Variants in AGBL3 observed in about 807,000 individuals in gnomAD.
The protein encoded by AGBL3 is cytosolic carboxypeptidase 3.
In AGBL3, 68 loss-of-function variants were observed where a neutral mutation model predicts 94.5. That is an observed-to-expected ratio of 0.72 (90% CI 0.59 to 0.88). The LOEUF (loss-of-function observed/expected upper bound fraction) is 0.88, where lower values mean the gene tolerates loss of function less well. Among genes scored for constraint, AGBL3 ranks in the 40% least tolerant of loss-of-function variants. The pLI is 0.00. For synonymous variants in AGBL3, 354 were observed against 370.7 expected, an observed-to-expected ratio of 0.95 and a Z score of 0.52; for missense variants, 934 against 1,103.8, an observed-to-expected ratio of 0.85 and a Z score of 2.18.
intron 15 of AGBL3, among the ~76,000 whole-genome samples, chr7:135,103,464 T>G (rs142121617): frequency 2.0e-5 from 3 of 152,210 alleles, no homozygotes; most frequent in Non-Finnish European, 2.9e-5. Flanking sequence ...TGTTTCTTTA[T>G]TTTCTTAATA....
intron 6 of AGBL3, 145 bp downstream of exon 6, chr7:135,033,127 G>C (rs1041242055): frequency 1.1e-6 from 1 of 912,388 alleles, no homozygotes; most frequent in Non-Finnish European, 1.5e-6. Context: ...TGTTGTGGAG[G>C]AGGGGAGTAT....
At chr7:135,111,416 C>T (rs563450494) in intron 15 of AGBL3, among the ~76,000 whole-genome samples, 4 of 152,276 alleles carry the variant, frequency 2.6e-5, no homozygotes, top group Non-Finnish European at 5.9e-5. Flanking sequence ...ACTAACTTCT[C>T]TACTGGTGAT....
chr7:135,063,661 T>C (rs1819035406), intron 12 of AGBL3, among the ~76,000 whole-genome samples: 1 of 152,214 alleles, frequency 6.6e-6, no homozygotes, highest in Non-Finnish European at 1.5e-5. Flanking sequence ...TATTATTTAA[T>C]TTCCATGTTC....
chr7:135,066,914 AG>A (rs2116742149), intron 12 of AGBL3, among the ~76,000 whole-genome samples: 1 of 152,350 alleles, frequency 6.6e-6, no homozygotes, highest in South Asian at 2.1e-4. Flanking sequence ...CAGTGCACCG[AG>A]CATGAGCCGA....
At chr7:135,028,690 AATT>A (rs1815411186) in intron 5 of AGBL3, among the ~76,000 whole-genome samples, 1 of 152,184 alleles carries the variant, frequency 6.6e-6, no homozygotes, top group African/African-American at 2.4e-5. Context: ...TCCTCCCATG[AATT>A]ACTAGTGTTC....
At chr7:135,033,699 T>G (rs1488803671) in intron 6 of AGBL3, among the ~76,000 whole-genome samples, 3 of 152,216 alleles carry the variant, frequency 2.0e-5, no homozygotes, top group Non-Finnish European at 2.9e-5. Flanking sequence ...GTAATCTATG[T>G]GATCATATTA....
At chr7:135,032,791 CCTT>C in intron 5 of AGBL3, 50 bp from the exon 6 acceptor site, 2 of 1,478,174 alleles carry the variant, frequency 1.4e-6, no homozygotes, top group Non-Finnish European at 1.8e-6. Context: ...TGCAGAATAA[CCTT>C]CTTACTTTAG....
intron 12 of AGBL3, among the ~76,000 whole-genome samples, chr7:135,066,576 A>T (rs1819323240): frequency 6.6e-6 from 1 of 152,260 alleles, no homozygotes; most frequent in Non-Finnish European, 1.5e-5. Flanking sequence ...AAAAAATTTA[A>T]AAGTGAATTA....
chr7:135,041,750 G>A (rs1013615792), intron 8 of AGBL3, among the ~76,000 whole-genome samples: 7 of 152,068 alleles, frequency 4.6e-5, no homozygotes, highest in East Asian at 3.8e-4. Flanking sequence ...CCTGCTAAGC[G>A]AATACAAAGA....
At chr7:135,122,713 T>C (rs1350860992) in intron 16 of AGBL3, among the ~76,000 whole-genome samples, 1 of 152,132 alleles carries the variant, frequency 6.6e-6, no homozygotes, top group Non-Finnish European at 1.5e-5. Context: ...TCCAGCCTCC[T>C]TGAGTGACAT....
intron 16 of AGBL3, chr7:135,129,452 G>T: frequency 1.3e-6 from 1 of 779,714 alleles, no homozygotes; most frequent in Non-Finnish European, 2.4e-6. Flanking sequence ...AAAGTAAGGA[G>T]TGGCTAGAGA....
At chr7:135,062,897 CTCT>C (rs762949015) in intron 12 of AGBL3, among the ~76,000 whole-genome samples, 1 of 152,102 alleles carries the variant, frequency 6.6e-6, no homozygotes, top group Non-Finnish European at 1.5e-5. Flanking sequence ...GAAATATTCC[CTCT>C]TCTTCAATTT....
intron 6 of AGBL3, 110 bp from the exon 7 acceptor site, chr7:135,034,039 T>A (rs1725174762): frequency 1.9e-6 from 2 of 1,049,378 alleles, no homozygotes; most frequent in Non-Finnish European, 2.6e-6. Flanking sequence ...TGTGAATGAG[T>A]AAAAATAAAA....
intron 12 of AGBL3, among the ~76,000 whole-genome samples, chr7:135,064,942 G>A (rs1306157659): frequency 6.6e-6 from 1 of 152,092 alleles, no homozygotes; most frequent in African/African-American, 2.4e-5. Flanking sequence ...TTAAGATCCT[G>A]GAGGGTTTTT....
intron 9 of AGBL3, 27 bp from the exon 10 acceptor site, chr7:135,045,447 G>A (rs780266018): frequency 7.9e-6 from 12 of 1,524,308 alleles, no homozygotes; most frequent in Non-Finnish European, 1.1e-5. Context: ...TTACCCTCAA[G>A]GGTGGATAAA....
In AGBL3 at chr7:135,133,065, G is replaced by A. The variant is rs539456125; in HGVS notation, c.2343-1776G>A. On this transcript the variant is annotated intron_variant, in intron 16 of 16. Transcript: ENST00000436302. Reference sequence around the variant, plus strand: ...TACCAAAACACACACGCACGCATGCGTGCACACACACACACACACACACAC... The same window carrying A: ...TACCAAAACACACACGCACGCATGCATGCACACACACACACACACACACAC... Among the ~76,000 whole-genome samples the A allele has an allele frequency of 1.5e-4, 15 of 101,234 alleles. No homozygotes were observed. The South Asian group carries it at 2.4e-3, about 16-fold the overall frequency. The allele number at this position is 101,234 out of a possible 152,430, so 66.4% of individuals were successfully genotyped here. A position where few individuals can be genotyped will look rare whatever the true frequency, so the allele number is the denominator to read the frequency against.
chr7:135,081,732 T>C lies in AGBL3; in HGVS notation c.2052T>C (p.Asn684=). ...SNSDVKDTRP[N]EPDDYMVDYF... ...CATCTTCTCTAGATACAAGGCCAAA[T>C]GAACCAGATGATTATATGGTTGATT... The change falls in exon 15 of 17, where the codon AAT becomes AAC. Residue 684 remains asparagine (N), a synonymous_variant. Transcript: ENST00000436302. 6.5e-7 allele frequency: 1 copy of C among 1,540,926 alleles called. No individual in the cohort carries two copies. Among genetic ancestry groups the C allele is most frequent in the Non-Finnish European group, 8.8e-7 (1 of 1,139,428 alleles).
chr7:135,128,544 C>T, intron 16 of AGBL3: 2 of 766,748 alleles, frequency 2.6e-6, no homozygotes, highest in Non-Finnish European at 2.4e-6. Context: ...GGTGGAGAAA[C>T]CAGGATCTAT....
intron 8 of AGBL3, among the ~76,000 whole-genome samples, chr7:135,040,550 G>A (rs1816747480): frequency 6.7e-6 from 1 of 149,082 alleles, no homozygotes; most frequent in African/African-American, 2.5e-5. Context: ...TATAGAAAAA[G>A]TTTTTAACAC....
Sources: gnomAD v4.1 joint callset for allele counts (sites outside exome capture counted in the v4.1 genomes callset) on GRCh38, gnomAD v4.1.1 for gene constraint, MANE v1.5 for transcripts, NCBI Gene and HGNC (gene_info 2026-07-23, HGNC 2026-07-21) for gene names.